Variants in TENM4 observed in about 807,000 individuals in gnomAD.
TENM4 encodes teneurin transmembrane protein 4.
In TENM4, 82 loss-of-function variants were observed where a neutral mutation model predicts 243.3. The ratio of observed to expected loss-of-function variants is 0.34; its 90% confidence interval spans 0.28 to 0.40. TENM4 has a LOEUF of 0.40. Among genes scored for constraint, TENM4 ranks in the 10% least tolerant of loss-of-function variants. The pLI is 1.00. For missense variants in TENM4, 3,138 were observed against 3,673.3 expected, an observed-to-expected ratio of 0.85 and a Z score of 3.77; for synonymous variants, 1,412 against 1,456.3, an observed-to-expected ratio of 0.97 and a Z score of 0.69.
chr11:78,975,615 CACATAT>C (rs1382459366), intron 6 of TENM4, among the ~76,000 whole-genome samples: 3 of 148,576 alleles, frequency 2.0e-5, no homozygotes, highest in African/African-American at 7.6e-5. Context: ...CACACACACA[CACATAT>C]ATATATATAT....
chr11:79,117,134 A>G (rs574267701), intron 4 of TENM4, among the ~76,000 whole-genome samples: 1 of 152,256 alleles, frequency 6.6e-6, no homozygotes, highest in African/African-American at 2.4e-5. Flanking sequence ...TGTCCAATTC[A>G]ACTCACACAT....
chr11:79,249,110 T>C (rs1855568224), intron 2 of TENM4, among the ~76,000 whole-genome samples: 1 of 152,262 alleles, frequency 6.6e-6, no homozygotes, highest in Non-Finnish European at 1.5e-5. Flanking sequence ...CTAATAATTC[T>C]TATTTGTTTG....
intron 3 of TENM4, among the ~76,000 whole-genome samples, chr11:79,161,071 G>A (rs1331950863): frequency 6.6e-6 from 1 of 152,178 alleles, no homozygotes; most frequent in Admixed American, 6.5e-5. Context: ...TGAACAGCAT[G>A]TTAGAAAAAG....
intron 2 of TENM4, among the ~76,000 whole-genome samples, chr11:79,294,503 C>T (rs1461529221): frequency 6.6e-6 from 1 of 152,154 alleles, no homozygotes; most frequent in African/African-American, 2.4e-5. Flanking sequence ...ACACCCTCAA[C>T]ATCAGTTTTC....
intron 32 of TENM4, among the ~76,000 whole-genome samples, chr11:78,665,237 TTC>T (rs917168052): frequency 2.6e-5 from 4 of 151,828 alleles, no homozygotes; most frequent in African/African-American, 9.7e-5. Flanking sequence ...TTTCTTTTCT[TTC>T]TCTCTTTCTT....
At chr11:78,955,614 G>A (rs1857195074) in intron 6 of TENM4, among the ~76,000 whole-genome samples, 1 of 152,178 alleles carries the variant, frequency 6.6e-6, no homozygotes, top group African/African-American at 2.4e-5. Context: ...GGTATTTGGG[G>A]AAATTAGTGG....
chr11:79,360,764 T>C (rs564123747), intron 1 of TENM4, among the ~76,000 whole-genome samples: 18 of 152,340 alleles, frequency 1.2e-4, no homozygotes, highest in Non-Finnish European at 2.1e-4. Context: ...CTTCTTGTTA[T>C]ATACTGAGCG....
At chr11:79,294,651 C>A (rs1856417150) in intron 2 of TENM4, among the ~76,000 whole-genome samples, 1 of 152,112 alleles carries the variant, frequency 6.6e-6, no homozygotes, top group Non-Finnish European at 1.5e-5. Flanking sequence ...GAGTTTGAGA[C>A]AAGCCTGGCC....
intron 2 of TENM4, among the ~76,000 whole-genome samples, chr11:79,272,340 A>G (rs922228100): frequency 6.6e-6 from 1 of 152,222 alleles, no homozygotes; most frequent in Non-Finnish European, 1.5e-5. Flanking sequence ...AGCCACATTT[A>G]AAAAGCAAAA....
At chr11:79,061,956 G>A (rs1159761099) in intron 6 of TENM4, among the ~76,000 whole-genome samples, 1 of 137,754 alleles carries the variant, frequency 7.3e-6, no homozygotes, top group Non-Finnish European at 1.5e-5. Context: ...GAGATAATCG[G>A]TGGCAACTAT....
At chr11:78,940,461 A>G (rs1856866993) in intron 6 of TENM4, among the ~76,000 whole-genome samples, 2 of 152,226 alleles carry the variant, frequency 1.3e-5, no homozygotes, top group Admixed American at 6.5e-5. Flanking sequence ...CTGGTCTAGA[A>G]GAGCAGAGGA....
intron 1 of TENM4, among the ~76,000 whole-genome samples, chr11:79,304,943 T>C (rs1283867018): frequency 6.6e-6 from 1 of 152,256 alleles, no homozygotes; most frequent in Non-Finnish European, 1.5e-5. Flanking sequence ...TGCCTCATAC[T>C]GTCACTTCTT....
At chr11:78,910,062 T>G (rs1484086913) in intron 6 of TENM4, among the ~76,000 whole-genome samples, 1 of 152,144 alleles carries the variant, frequency 6.6e-6, no homozygotes, top group Non-Finnish European at 1.5e-5. Flanking sequence ...TAAGATCACA[T>G]TCATGAGAAA....
intron 2 of TENM4, among the ~76,000 whole-genome samples, chr11:79,232,211 T>C (rs1864386500): frequency 1.3e-5 from 2 of 152,256 alleles, no homozygotes; most frequent in South Asian, 4.1e-4. Context: ...TCTTCAGGGT[T>C]CTGGGTCATG....
At chr11:79,328,061 T>G (rs549553731) in intron 1 of TENM4, among the ~76,000 whole-genome samples, 4 of 152,250 alleles carry the variant, frequency 2.6e-5, no homozygotes, top group Non-Finnish European at 4.4e-5. Flanking sequence ...CTCTTTCTTT[T>G]GTTTTCTGGA....
intron 1 of TENM4, among the ~76,000 whole-genome samples, chr11:79,371,569 A>T (rs1194709631): frequency 6.6e-6 from 1 of 152,204 alleles, no homozygotes; most frequent in Non-Finnish European, 1.5e-5. Context: ...CTAGAAGGAT[A>T]AAATCTGCCT....
intron 1 of TENM4, among the ~76,000 whole-genome samples, chr11:79,424,841 G>A (rs1590957374): frequency 6.6e-6 from 1 of 152,110 alleles, no homozygotes; most frequent in South Asian, 2.1e-4. Flanking sequence ...GGCTAAGGCA[G>A]GAGAATGGCA....
rs1858767037 is a variant in TENM4 at position 78,859,611 on chromosome 11, AT to A, written c.1255+3350del. Among the ~76,000 whole-genome samples the A allele has an allele frequency of 2.0e-5, 3 of 152,240 alleles. No individual in the cohort carries two copies. The South Asian group carries it at 6.2e-4, about 32-fold the overall frequency. On this transcript the variant is annotated intron_variant, in intron 10 of 33. Transcript: ENST00000278550. The stretch of plus-strand genomic sequence containing the variant: ...CTTTCTTGAACTGAGATCTACCTAT[AT>A]AGATTCTAAATTCCTAATCAACTAA...
intron 6 of TENM4, among the ~76,000 whole-genome samples, chr11:79,015,875 G>T (rs917653318): frequency 6.6e-6 from 1 of 152,216 alleles, no homozygotes; most frequent in African/African-American, 2.4e-5. Context: ...ACCAAGGCAT[G>T]AATTCTGATA....
Sources: gnomAD v4.1 joint callset for allele counts (sites outside exome capture counted in the v4.1 genomes callset) on GRCh38, gnomAD v4.1.1 for gene constraint, MANE v1.5 for transcripts, NCBI Gene and HGNC (gene_info 2026-07-23, HGNC 2026-07-21) for gene names.